Variants in WDPCP observed in about 807,000 individuals in gnomAD.
WDPCP encodes WD repeat containing planar cell polarity effector, also known as WD repeat-containing and planar cell polarity effector protein fritz homolog.
WDPCP carries 71 observed loss-of-function variants against 93.1 expected under a neutral mutation model. That is an observed-to-expected ratio of 0.76 (90% CI 0.63 to 0.93). The LOEUF (loss-of-function observed/expected upper bound fraction) is 0.93. Among genes scored for constraint, WDPCP ranks in the 40% least tolerant of loss-of-function variants. The pLI is 0.00. For missense variants in WDPCP, 844 were observed against 887.4 expected, an observed-to-expected ratio of 0.95 and a Z score of 0.62; for synonymous variants, 315 against 315.0, an observed-to-expected ratio of 1.00 and a Z score of 0.00.
chr2:63,152,927 T>C lies in WDPCP; in HGVS notation c.2177A>G (p.Asp726Gly). 6.2e-7 allele frequency: 1 copy of C among 1,612,626 alleles called. No homozygotes were observed. The highest frequency in any genetic ancestry group is 8.5e-7 in the Non-Finnish European group (1 of 1,178,866). The change falls in exon 17 of 18, where the codon GAC becomes GGC. Residue 726 changes from aspartate (D) to glycine (G), a missense_variant. Asp to Gly is a moderately conservative substitution (Grantham distance 94, BLOSUM62 -1). Transcript: ENST00000272321. ...AAAGTGTTTTACCTGTTCTCTGCCGTCTTCTCTCAGTTCTCCGTCTAAAGT... is the reference window on the plus strand; with the variant it reads ...AAAGTGTTTTACCTGTTCTCTGCCGCCTTCTCTCAGTTCTCCGTCTAAAGT... ...CNAEDGELRE[D>G]GREQEIRDGG...
chr2:63,127,288 A>AT (rs1219746805), intron 17 of WDPCP, among the ~76,000 whole-genome samples: 2 of 151,208 alleles, frequency 1.3e-5, no homozygotes, highest in Non-Finnish European at 3.0e-5. Flanking sequence ...TACCCAGCTA[A>AT]TTTTTTTTGT....
chr2:63,163,688 G>T (rs1002179359), intron 15 of WDPCP, among the ~76,000 whole-genome samples: 5 of 152,156 alleles, frequency 3.3e-5, no homozygotes, highest in Non-Finnish European at 7.4e-5. Context: ...CAGATTTTCT[G>T]TTGGCAGGGA....
intron 2 of WDPCP, among the ~76,000 whole-genome samples, chr2:63,789,755 T>C (rs1670519584): frequency 1.3e-5 from 2 of 152,210 alleles, no homozygotes; most frequent in Admixed American, 6.5e-5. Flanking sequence ...TTAGTTTTCA[T>C]GTGCTTGGAA....
In WDPCP at chr2:63,346,021, C is replaced by T. The variant is rs567168028; in HGVS notation, c.1748+32365G>A. ...CCAGCAAAAATAGGGGAGCACCTCT[C>T]GGATTGGATTAAGAGGATGCTTGAA... is the stretch of plus-strand genomic sequence containing the variant. On this transcript the variant is annotated intron_variant, in intron 12 of 17. Coordinates refer to ENST00000272321, the MANE Select transcript of WDPCP (RefSeq NM_015910.7). 5.3e-5 allele frequency among the ~76,000 whole-genome samples: 8 copies of T among 152,202 alleles called. No homozygotes were observed. The East Asian group carries it at 1.4e-3, about 26-fold the overall frequency.
At chr2:63,181,795 T>C (rs1228083403) in intron 14 of WDPCP, among the ~76,000 whole-genome samples, 2 of 152,056 alleles carry the variant, frequency 1.3e-5, no homozygotes, top group South Asian at 4.1e-4. Flanking sequence ...TTTAATGATA[T>C]TGATTTTTGT....
At chr2:63,839,879 T>C in the WDPCP span, among the ~76,000 whole-genome samples, 2 of 152,226 alleles carry the variant, frequency 1.3e-5, no homozygotes, top group African/African-American at 2.4e-5. Context: ...TTGGATTTCA[T>C]GTAAGAAACA....
intron 3 of WDPCP, among the ~76,000 whole-genome samples, chr2:63,620,545 C>G (rs755711797): frequency 1.3e-5 from 2 of 152,186 alleles, no homozygotes; most frequent in Non-Finnish European, 2.9e-5. Flanking sequence ...AGATAAAATT[C>G]CCATCTCCCT....
chr2:63,260,738 C>T (rs948465626), intron 13 of WDPCP, among the ~76,000 whole-genome samples: 3 of 152,030 alleles, frequency 2.0e-5, no homozygotes, highest in African/African-American at 4.8e-5. Context: ...TTAGTAGAGA[C>T]GGGGTTTCAC....
At chr2:63,823,424 A>G (rs1671055973) in intron 1 of WDPCP, among the ~76,000 whole-genome samples, 1 of 152,022 alleles carries the variant, frequency 6.6e-6, no homozygotes, top group African/African-American at 2.4e-5. Context: ...AACTGCTTGA[A>G]CCTGGGAGGC....
At chr2:63,397,510 A>T (rs1411187884) in intron 10 of WDPCP, among the ~76,000 whole-genome samples, 1 of 152,130 alleles carries the variant, frequency 6.6e-6, no homozygotes, top group Non-Finnish European at 1.5e-5. Flanking sequence ...CTGAAAATAA[A>T]GTATAAACCT....
At chr2:63,711,676 C>A (rs1313118855) in intron 2 of WDPCP, 1 of 152,230 alleles carries the variant, frequency 6.6e-6, no homozygotes, top group Non-Finnish European at 1.5e-5. Context: ...GGGGAAGATC[C>A]ATTGAGCTCA....
chr2:63,792,956 A>G (rs115187860), intron 2 of WDPCP, among the ~76,000 whole-genome samples: 1,868 of 152,224 alleles, frequency 0.012, 17 homozygotes, highest in Non-Finnish European at 0.015. Flanking sequence ...TAGAAGCCTA[A>G]AAGTGTTTGA....
intron 6 of WDPCP, among the ~76,000 whole-genome samples, chr2:63,462,957 T>C (rs1026343098): frequency 6.6e-6 from 1 of 152,104 alleles, no homozygotes; most frequent in Non-Finnish European, 1.5e-5. Context: ...GCTGGATTTA[T>C]AACCTTGGAG....
chr2:63,679,502 G>C (rs1710463710), intron 2 of WDPCP, among the ~76,000 whole-genome samples: 1 of 151,888 alleles, frequency 6.6e-6, no homozygotes, highest in South Asian at 2.1e-4. Flanking sequence ...CTGCCCTATG[G>C]GAGAATCTTC....
intron 13 of WDPCP, among the ~76,000 whole-genome samples, chr2:63,271,435 C>G (rs1682631340): frequency 6.6e-6 from 1 of 152,172 alleles, no homozygotes; most frequent in African/African-American, 2.4e-5. Context: ...AGCTTCAGGA[C>G]TGGCTTATCT....
chr2:63,632,888 T>C (rs1416449054), intron 3 of WDPCP, among the ~76,000 whole-genome samples: 1 of 152,144 alleles, frequency 6.6e-6, no homozygotes, highest in Non-Finnish European at 1.5e-5. Context: ...TAGATCCCCA[T>C]ACAGATTCAA....
At chr2:63,306,310 T>C (rs930935014) in intron 13 of WDPCP, among the ~76,000 whole-genome samples, 1 of 152,064 alleles carries the variant, frequency 6.6e-6, no homozygotes, top group African/African-American at 2.4e-5. Context: ...CTACCAGAGG[T>C]ACAAAGAGGA....
intron 3 of WDPCP, chr2:63,595,384 T>C (rs1391181841): frequency 1.6e-6 from 2 of 1,242,134 alleles, no homozygotes; most frequent in African/African-American, 1.5e-5. Flanking sequence ...CTAAATGAAA[T>C]AGCCTACACT....
intron 10 of WDPCP, among the ~76,000 whole-genome samples, chr2:63,385,569 A>C (rs913507799): frequency 2.6e-5 from 4 of 152,116 alleles, no homozygotes; most frequent in African/African-American, 4.8e-5. Context: ...CATGTACAAG[A>C]CCTTTACACT....
Sources: gnomAD v4.1 joint callset for allele counts (sites outside exome capture counted in the v4.1 genomes callset) on GRCh38, gnomAD v4.1.1 for gene constraint, MANE v1.5 for transcripts, NCBI Gene and HGNC (gene_info 2026-07-23, HGNC 2026-07-21) for gene names.